Variants in EXOC4 observed in about 807,000 individuals in gnomAD.
EXOC4 encodes SEC8-like 1.
Under a neutral mutation model 107.2 loss-of-function variants are expected in EXOC4, and 71 were observed. The ratio of observed to expected loss-of-function variants is 0.66; its 90% CI spans 0.55 to 0.81. EXOC4 has a LOEUF of 0.81. EXOC4 is among the 30% of genes least tolerant of loss of function. The pLI is 0.00. For synonymous variants in EXOC4, 456 were observed against 441.2 expected, an observed-to-expected ratio of 1.03 and a Z score of -0.42; for missense variants, 1,108 against 1,189.6, an observed-to-expected ratio of 0.93 and a Z score of 1.01.
chr7:133,693,230 C>G (rs1433062443), intron 10 of EXOC4, among the ~76,000 whole-genome samples: 1 of 152,196 alleles, frequency 6.6e-6, no homozygotes, highest in African/African-American at 2.4e-5. Flanking sequence ...CCGATAGCCC[C>G]TGGCAAACCA....
chr7:133,937,849 CCATGCTGTATATA>C, intron 13 of EXOC4, 29 bp from the exon 14 acceptor site: 1 of 1,603,322 alleles, frequency 6.2e-7, no homozygotes, highest in South Asian at 1.1e-5. Context: ...CCTACCTTTT[CCATGCTGTATATA>C]TGAAGTGTGT....
chr7:133,935,030 G>A (rs1800266771), intron 13 of EXOC4, among the ~76,000 whole-genome samples: 1 of 151,602 alleles, frequency 6.6e-6, no homozygotes, highest in African/African-American at 2.4e-5. Flanking sequence ...GCTTAAAGAA[G>A]TAGGGTTTCA....
intron 10 of EXOC4, among the ~76,000 whole-genome samples, chr7:133,683,844 T>C (rs1233455306): frequency 1.3e-5 from 2 of 152,120 alleles, no homozygotes; most frequent in Non-Finnish European, 2.9e-5. Context: ...TATAACAAGC[T>C]GGTAAATATC....
intron 17 of EXOC4, among the ~76,000 whole-genome samples, chr7:134,057,197 G>C (rs1795949558): frequency 6.6e-6 from 1 of 152,120 alleles, no homozygotes; most frequent in Non-Finnish European, 1.5e-5. Context: ...GATCAAAGAA[G>C]ACCGAGCAAG....
intron 3 of EXOC4, among the ~76,000 whole-genome samples, chr7:133,291,913 A>T (rs972568796): frequency 6.6e-6 from 1 of 150,470 alleles, no homozygotes; most frequent in African/African-American, 2.5e-5. Context: ...TCACATATGC[A>T]TGGATCTGTT....
intron 9 of EXOC4, among the ~76,000 whole-genome samples, chr7:133,541,586 A>G (rs984214709): frequency 6.6e-6 from 1 of 151,892 alleles, no homozygotes; most frequent in Non-Finnish European, 1.5e-5. Flanking sequence ...TGCAGCCTCA[A>G]CCTCCTGGGC....
chr7:133,961,989 A>G (rs146806314), intron 14 of EXOC4, among the ~76,000 whole-genome samples: 454 of 152,320 alleles, frequency 3.0e-3, no homozygotes, highest in Non-Finnish European at 5.2e-3. Flanking sequence ...ATTGAGGCCA[A>G]GCTTGGTGGA....
At chr7:134,043,613 T>A (rs931821132) in intron 17 of EXOC4, among the ~76,000 whole-genome samples, 1 of 128,370 alleles carries the variant, frequency 7.8e-6, no homozygotes, top group Non-Finnish European at 1.9e-5. Flanking sequence ...CCTCCAGGGA[T>A]AGCAGTTTCT....
chr7:133,471,631 G>T (rs1313010668), intron 7 of EXOC4, among the ~76,000 whole-genome samples: 1 of 151,956 alleles, frequency 6.6e-6, no homozygotes, highest in Admixed American at 6.6e-5. Flanking sequence ...TTGTACTGAG[G>T]ATTAATTTAC....
At chr7:133,263,855 C>T (rs993506952) in intron 1 of EXOC4, among the ~76,000 whole-genome samples, 3 of 152,106 alleles carry the variant, frequency 2.0e-5, no homozygotes, top group Non-Finnish European at 4.4e-5. Flanking sequence ...TTTATGTCCT[C>T]TTCCCTCTCC....
intron 13 of EXOC4, among the ~76,000 whole-genome samples, chr7:133,929,958 A>G (rs560402260): frequency 5.3e-5 from 8 of 152,228 alleles, no homozygotes; most frequent in South Asian, 4.1e-4. Flanking sequence ...ACAGATTTCA[A>G]TTCTTCAAGA....
At chr7:134,000,384 G>C (rs1670377681) in intron 15 of EXOC4, among the ~76,000 whole-genome samples, 1 of 152,124 alleles carries the variant, frequency 6.6e-6, no homozygotes, top group African/African-American at 2.4e-5. Context: ...GCGTGACTGT[G>C]GTAGAGACCA....
intron 14 of EXOC4, among the ~76,000 whole-genome samples, chr7:133,960,427 A>G (rs1800915722): frequency 6.6e-6 from 1 of 152,214 alleles, no homozygotes; most frequent in Admixed American, 6.5e-5. Context: ...CAATAGGATT[A>G]GTACCAATTC....
Position 133,288,916 on chromosome 7 carries a change from T to C in EXOC4, c.277-6T>C. ...CTGACCCAAGACCGAATCTGTTTTA[T>C]TGTAGGTAAAAGAGAACCTGCTTTC... On this transcript the variant is annotated splice_region_variant and splice_polypyrimidine_tract_variant and intron_variant, in intron 2 of 17. Transcript: ENST00000253861. The C allele has an allele frequency of 6.2e-7, 1 of 1,613,706 alleles. No individual in the cohort carries two copies. The highest frequency in any genetic ancestry group is 8.5e-7 in the Non-Finnish European group (1 of 1,179,646).
intron 7 of EXOC4, among the ~76,000 whole-genome samples, chr7:133,459,769 T>C (rs1216808607): frequency 6.6e-6 from 1 of 152,194 alleles, no homozygotes; most frequent in East Asian, 1.9e-4. Flanking sequence ...GACACTGTGC[T>C]TATTAGAAAT....
intron 5 of EXOC4, among the ~76,000 whole-genome samples, chr7:133,345,818 G>A (rs1425986640): frequency 6.6e-6 from 1 of 152,134 alleles, no homozygotes; most frequent in Non-Finnish European, 1.5e-5. Flanking sequence ...AGTAGCAGTT[G>A]GCAACAACTT....
chr7:133,814,674 A>C (rs746339306), intron 10 of EXOC4, among the ~76,000 whole-genome samples: 3 of 152,222 alleles, frequency 2.0e-5, no homozygotes, highest in African/African-American at 7.2e-5. Context: ...CTTCACACTT[A>C]TAGCAACAGA....
intron 10 of EXOC4, among the ~76,000 whole-genome samples, chr7:133,783,501 A>G (rs971837503): frequency 3.9e-5 from 6 of 152,356 alleles, no homozygotes; most frequent in African/African-American, 1.2e-4. Flanking sequence ...TGAATTTAAT[A>G]TGATTCCTAG....
At position 133,289,059 on chromosome 7, in the gene EXOC4, T is replaced by C. The variant is rs1222196225; in HGVS notation, c.414T>C (p.Pro138=). 6.2e-7 allele frequency: 1 copy of C among 1,614,182 alleles called. No individual in the cohort carries two copies. The highest frequency in any genetic ancestry group is 1.7e-5 in the Admixed American group (1 of 60,026). The change falls in exon 3 of 18, where the codon CCT becomes CCC. Residue 138 remains proline (P), a synonymous_variant. Coordinates refer to ENST00000253861, the MANE Select transcript of EXOC4 (RefSeq NM_021807.4). The part of the protein sequence containing the change: ...LDEIENIKQV[P]QKLEQCMASK... ...AAATTGAGAATATCAAGCAAGTGCCTCAAAAGCTGGAACAGTGCATGGCCA... is the reference window on the plus strand; with the variant it reads ...AAATTGAGAATATCAAGCAAGTGCCCCAAAAGCTGGAACAGTGCATGGCCA...
Sources: gnomAD v4.1 joint callset for allele counts (sites outside exome capture counted in the v4.1 genomes callset) on GRCh38, gnomAD v4.1.1 for gene constraint, MANE v1.5 for transcripts, NCBI Gene and HGNC (gene_info 2026-07-23, HGNC 2026-07-21) for gene names.